Variants in WDR27 observed in about 807,000 individuals in gnomAD.
WDR27 encodes the protein WD repeat domain 27, also known as WD repeat-containing protein 27.
A neutral mutation model predicts 114.4 loss-of-function variants in WDR27; 100 were observed. That is an observed-to-expected ratio of 0.87 (90% CI 0.74 to 1.03). The LOEUF is 1.03. Among genes scored for constraint, WDR27 ranks in the 50% least tolerant of loss-of-function variants. WDR27 has a pLI of 0.00. For missense variants in WDR27, 1,129 were observed against 1,092.9 expected, an observed-to-expected ratio of 1.03 and a Z score of -0.47; for synonymous variants, 449 against 423.1, an observed-to-expected ratio of 1.06 and a Z score of -0.75.
chr6:169,651,451 C>T (rs1014816410), intron 14 of WDR27, among the ~76,000 whole-genome samples: 73 of 152,196 alleles, frequency 4.8e-4, no homozygotes, highest in Non-Finnish European at 6.2e-4. Flanking sequence ...AAGGCCTCCT[C>T]ATGGTTTCTC....
At chr6:169,652,395 C>T (rs1409246154) in intron 13 of WDR27, among the ~76,000 whole-genome samples, 2 of 152,190 alleles carry the variant, frequency 1.3e-5, no homozygotes, top group African/African-American at 4.8e-5. Flanking sequence ...ATTACAGGCA[C>T]ACGCCACCAC....
chr6:169,555,424 C>A (rs538996833), intron 25 of WDR27, among the ~76,000 whole-genome samples: 74 of 152,136 alleles, frequency 4.9e-4, no homozygotes, highest in African/African-American at 1.7e-3. Context: ...GGAGACCAGG[C>A]GGAAAGGTAG....
chr6:169,638,885 C>T lies in WDR27; in HGVS notation c.1748-225G>A, dbSNP rs371321343. ...TCAGTGTGGCTTCTGAAGGCAGTTGCTCTAAAGCCTCACGTTCCATTTTTT... is the reference window on the plus strand; with the variant it reads ...TCAGTGTGGCTTCTGAAGGCAGTTGTTCTAAAGCCTCACGTTCCATTTTTT... On this transcript the variant is annotated intron_variant, in intron 17 of 25. Coordinates refer to ENST00000448612, the MANE Select transcript of WDR27 (RefSeq NM_182552.5). Among the ~76,000 whole-genome samples, 7 of 152,332 alleles carry T rather than the reference C, an allele frequency of 4.6e-5. No homozygotes were observed. The East Asian group carries it at 1.3e-3, about 29-fold the overall frequency.
chr6:169,545,177 G>C (rs932259595), intron 25 of WDR27, among the ~76,000 whole-genome samples: 4 of 152,160 alleles, frequency 2.6e-5, no homozygotes, highest in African/African-American at 9.7e-5. Flanking sequence ...CACTAATCAA[G>C]ACAGTATGGT....
chr6:169,670,821 T>C, intron 3 of WDR27, 128 bp from the exon 4 acceptor site: 4 of 1,294,892 alleles, frequency 3.1e-6, no homozygotes, highest in Non-Finnish European at 4.3e-6. Context: ...AGCTTTGATG[T>C]GATTTTGATT....
intron 17 of WDR27, among the ~76,000 whole-genome samples, chr6:169,641,416 G>C (rs1413694458): frequency 6.6e-6 from 1 of 152,174 alleles, no homozygotes; most frequent in African/African-American, 2.4e-5. Flanking sequence ...GGTACGGAAG[G>C]CCTCCCTCCT....
chr6:169,634,569 T>G (rs1418466338), intron 19 of WDR27, 44 bp from the exon 20 acceptor site: 1 of 1,296,210 alleles, frequency 7.7e-7, no homozygotes, highest in Admixed American at 2.0e-5. Flanking sequence ...GCTTTCCTTC[T>G]GCTACAACTA....
chr6:169,434,940 C>T, the WDR27 span, among the ~76,000 whole-genome samples: 1 of 152,224 alleles, frequency 6.6e-6, no homozygotes, highest in Non-Finnish European at 1.5e-5. Context: ...ACAGCAGCCC[C>T]TTCTATCACA....
intron 1 of WDR27, among the ~76,000 whole-genome samples, chr6:169,694,917 T>C (rs1011781835): frequency 1.3e-5 from 2 of 152,224 alleles, no homozygotes. Context: ...CTTTCCATGT[T>C]TGAATTAATC....
intron 21 of WDR27, among the ~76,000 whole-genome samples, chr6:169,629,744 T>C (rs1442935778): frequency 6.6e-6 from 1 of 151,820 alleles, no homozygotes; most frequent in African/African-American, 2.4e-5. Context: ...CTGGCCAACA[T>C]GGTGAAATCC....
At chr6:169,681,527 G>C (rs926043588) in intron 2 of WDR27, among the ~76,000 whole-genome samples, 20 of 152,188 alleles carry the variant, frequency 1.3e-4, no homozygotes, top group African/African-American at 4.1e-4. Context: ...GTCCTCCAAG[G>C]GGCTTGGTTA....
chr6:169,471,913 T>A (rs1472311617), intron 25 of WDR27, among the ~76,000 whole-genome samples: 1 of 152,186 alleles, frequency 6.6e-6, no homozygotes. Context: ...ATCTTGCTGC[T>A]TCCTCACATG....
At chr6:169,566,337 A>G (rs905946189) in intron 25 of WDR27, among the ~76,000 whole-genome samples, 2 of 152,218 alleles carry the variant, frequency 1.3e-5, no homozygotes, top group Non-Finnish European at 2.9e-5. Flanking sequence ...TGGTGAGGGC[A>G]AGGTGGTCTG....
At chr6:169,617,958 G>A (rs1468449088) in intron 21 of WDR27, among the ~76,000 whole-genome samples, 3 of 152,168 alleles carry the variant, frequency 2.0e-5, no homozygotes. Context: ...ACCTTAGGGA[G>A]GATTCCCATA....
At chr6:169,696,518 G>C (rs971992713) in intron 1 of WDR27, among the ~76,000 whole-genome samples, 1 of 152,220 alleles carries the variant, frequency 6.6e-6, no homozygotes, top group Non-Finnish European at 1.5e-5. Context: ...CGGGTTTGGT[G>C]AAAGGTTTGG....
chr6:169,613,051 A>G (rs763754756), intron 22 of WDR27, among the ~76,000 whole-genome samples: 16 of 152,244 alleles, frequency 1.1e-4, no homozygotes, highest in Non-Finnish European at 1.9e-4. Flanking sequence ...TATAAAATGT[A>G]TTTTCAAAGT....
chr6:169,541,096 A>T (rs1323585793), intron 25 of WDR27, among the ~76,000 whole-genome samples: 1 of 152,082 alleles, frequency 6.6e-6, no homozygotes, highest in Non-Finnish European at 1.5e-5. Flanking sequence ...AGCAGACTCA[A>T]ATAAAAATGT....
At chr6:169,477,589 C>T in intron 25 of WDR27, among the ~76,000 whole-genome samples, 1 of 152,200 alleles carries the variant, frequency 6.6e-6, no homozygotes. Context: ...CAGGCATGCA[C>T]TACCATGACC....
rs1190248899 is a variant in WDR27 at position 169,684,587 on chromosome 6, A to C, written c.189+4230T>G. On this transcript the variant is annotated intron_variant, in intron 2 of 25. Transcript: ENST00000448612. The surrounding 1 kb of genome is among the most constrained non-coding windows in gnomAD (Gnocchi z 4.3). ...CTATAGTAGCCCTGTGCCCACACCC[A>C]GGAGACATACCCCCAGGTCAGCCAA... Among the ~76,000 whole-genome samples, 1 of 152,106 alleles carries C rather than the reference A, an allele frequency of 6.6e-6. No individual in the cohort carries two copies. Among genetic ancestry groups the C allele is most frequent in the Admixed American group, 6.5e-5 (1 of 15,280 alleles).
Sources: gnomAD v4.1 joint callset for allele counts (sites outside exome capture counted in the v4.1 genomes callset) on GRCh38, gnomAD v4.1.1 for gene constraint, Gnocchi (gnomAD v3.1) non-coding constraint, MANE v1.5 for transcripts, NCBI Gene and HGNC (gene_info 2026-07-23, HGNC 2026-07-21) for gene names.